The following MSRA variants were observed in gnomAD, a reference collection of about 807,000 sequenced individuals.
The protein encoded by MSRA is methionine sulfoxide reductase A, also known as mitochondrial peptide methionine sulfoxide reductase.
MSRA carries 54 observed loss-of-function variants against 31.3 expected under a neutral mutation model. The ratio of observed to expected loss-of-function variants is 1.73; its 90% CI spans 1.39 to 2.17. MSRA has a LOEUF of 2.17. MSRA is among the 30% of genes most tolerant of loss of function. The pLI is 0.00. For missense variants in MSRA, 507 were observed against 300.9 expected (o/e 1.69, Z -5.07); for synonymous variants, 169 against 116.5 (o/e 1.45, Z -2.90).
chr8:10,205,187 C>A (rs1459720910), intron 1 of MSRA, among the ~76,000 whole-genome samples: 1 of 151,992 alleles, frequency 6.6e-6, no homozygotes, highest in Non-Finnish European at 1.5e-5. Context: ...ATAATTGTGG[C>A]TACCTTGGGA....
intron 1 of MSRA, among the ~76,000 whole-genome samples, chr8:10,130,797 T>C (rs1237181297): frequency 6.6e-6 from 1 of 152,150 alleles, no homozygotes; most frequent in Non-Finnish European, 1.5e-5. Context: ...GGAAAGAAAC[T>C]AGCATTCTTA....
intron 1 of MSRA, among the ~76,000 whole-genome samples, chr8:10,074,842 A>G (rs1797925929): frequency 6.6e-6 from 1 of 152,072 alleles, no homozygotes; most frequent in African/African-American, 2.4e-5. Flanking sequence ...GAGATTACCC[A>G]GAGACGGGGG....
At chr8:10,182,381 C>G (rs750684642) in intron 1 of MSRA, among the ~76,000 whole-genome samples, 3 of 152,136 alleles carry the variant, frequency 2.0e-5, no homozygotes, top group Non-Finnish European at 2.9e-5. Context: ...TCTATTCTCT[C>G]ACAATTTCTG....
chr8:10,263,902 T>G (rs768851674), intron 3 of MSRA, among the ~76,000 whole-genome samples: 1 of 152,264 alleles, frequency 6.6e-6, no homozygotes, highest in Non-Finnish European at 1.5e-5. Flanking sequence ...TTGGTCATTT[T>G]AAAAGCTTTG....
At chr8:10,404,570 G>A (rs1320338121) in intron 5 of MSRA, among the ~76,000 whole-genome samples, 3 of 152,240 alleles carry the variant, frequency 2.0e-5, no homozygotes, top group African/African-American at 7.2e-5. Context: ...TCTGCCGTCA[G>A]CAGCTGCTTC....
At chr8:10,331,363 A>G (rs898924334) in intron 5 of MSRA, among the ~76,000 whole-genome samples, 2 of 152,216 alleles carry the variant, frequency 1.3e-5, no homozygotes, top group African/African-American at 4.8e-5. Context: ...TCTATGGCCC[A>G]TTCTTCTTTT....
intron 1 of MSRA, among the ~76,000 whole-genome samples, chr8:10,065,847 C>T (rs1296910186): frequency 6.6e-6 from 1 of 152,080 alleles, no homozygotes. Flanking sequence ...GCCCTGCTAT[C>T]AGCCTCTGGT....
chr8:10,364,490 C>T lies in MSRA; in HGVS notation c.543+44501C>T, dbSNP rs192305468. ...GAGAATTGTGGGACCAATAGCAAAA[C>T]CTTCCCCACTTGCCTTCCAGCCATG... On this transcript the variant is annotated intron_variant, in intron 5 of 5. Transcript: ENST00000317173. Among the ~76,000 whole-genome samples, 390 of 152,314 alleles carry T rather than the reference C, an allele frequency of 2.6e-3. 4 individuals carry two copies. Among genetic ancestry groups the T allele is most frequent in the African/African-American group, 8.6e-3 (359 of 41,566 alleles).
intron 1 of MSRA, among the ~76,000 whole-genome samples, chr8:10,106,508 C>T (rs960237371): frequency 6.6e-6 from 1 of 152,124 alleles, no homozygotes; most frequent in African/African-American, 2.4e-5. Context: ...TAATTACAAA[C>T]CCTGTTTTCT....
At chr8:10,140,383 G>C (rs1802603226) in intron 1 of MSRA, among the ~76,000 whole-genome samples, 1 of 152,148 alleles carries the variant, frequency 6.6e-6, no homozygotes, top group Non-Finnish European at 1.5e-5. Flanking sequence ...TTTTCAGGTA[G>C]CATGTCCTGA....
intron 5 of MSRA, among the ~76,000 whole-genome samples, chr8:10,410,420 C>T (rs1310143782): frequency 2.6e-5 from 4 of 152,236 alleles, no homozygotes; most frequent in South Asian, 2.1e-4. Flanking sequence ...CCCATCACCT[C>T]ATAATTCCCA....
In MSRA at chr8:10,319,984, C is replaced by T; in HGVS notation, c.538C>T (p.Gln180Ter). The stretch of plus-strand genomic sequence containing the variant: ...AGCCCTGAGCTCCAAAGAGAACTAC[C>T]AAAAGGTAGGGATTGCTGGGCTCCT... ...EAALSSKENY[Q>*]KVLSEHGFGP... Residue 180 changes from glutamine (Q) to a stop codon, truncating the protein, a stop_gained, in exon 5 of 6, where the codon CAA becomes TAA. Transcript: ENST00000317173. LOFTEE classifies it high-confidence loss of function. 1 of 1,596,950 alleles carries T rather than the reference C, an allele frequency of 6.3e-7. No homozygotes were observed. The highest frequency in any genetic ancestry group is 8.5e-7 in the Non-Finnish European group (1 of 1,171,696).
chr8:10,072,340 G>A (rs1160690684), intron 1 of MSRA, among the ~76,000 whole-genome samples: 1 of 150,224 alleles, frequency 6.7e-6, no homozygotes, highest in East Asian at 2.0e-4. Flanking sequence ...TGAATATTCA[G>A]TTACTACAGA....
At chr8:10,409,461 T>G (rs1808024446) in intron 5 of MSRA, among the ~76,000 whole-genome samples, 1 of 152,228 alleles carries the variant, frequency 6.6e-6, no homozygotes, top group Non-Finnish European at 1.5e-5. Context: ...ATGGCAGATT[T>G]GGTGAGTGGT....
chr8:10,075,559 G>T (rs1277876562), intron 1 of MSRA, among the ~76,000 whole-genome samples: 1 of 152,196 alleles, frequency 6.6e-6, no homozygotes, highest in South Asian at 2.1e-4. Flanking sequence ...ATATTGGTGA[G>T]TGAAAGAAAT....
At chr8:10,413,826 G>C (rs929021824) in intron 5 of MSRA, among the ~76,000 whole-genome samples, 5 of 152,146 alleles carry the variant, frequency 3.3e-5, no homozygotes, top group African/African-American at 1.2e-4. Context: ...AACGGTGATG[G>C]TTACATAACC....
intron 1 of MSRA, among the ~76,000 whole-genome samples, chr8:10,087,191 C>G (rs1309050072): frequency 6.6e-6 from 1 of 152,128 alleles, no homozygotes; most frequent in Non-Finnish European, 1.5e-5. Context: ...TTCCCAGAGC[C>G]TTACTAATTT....
chr8:10,274,840 C>T (rs768518684), intron 3 of MSRA, among the ~76,000 whole-genome samples: 2 of 152,102 alleles, frequency 1.3e-5, no homozygotes, highest in African/African-American at 4.8e-5. Flanking sequence ...CTCACCTGTT[C>T]AACCAAGCAA....
chr8:10,206,686 C>G (rs754265889), intron 1 of MSRA, among the ~76,000 whole-genome samples: 6 of 152,230 alleles, frequency 3.9e-5, no homozygotes, highest in Non-Finnish European at 7.3e-5. Context: ...CTGACTTCTC[C>G]TTCGGACTCC....
Sources: gnomAD v4.1 joint callset for allele counts (sites outside exome capture counted in the v4.1 genomes callset) on GRCh38, gnomAD v4.1.1 for gene constraint, MANE v1.5 for transcripts, NCBI Gene and HGNC (gene_info 2026-07-23, HGNC 2026-07-21) for gene names.